The following MYO10 variants were observed in gnomAD, a reference collection of about 807,000 sequenced individuals.
MYO10 encodes unconventional myosin-X.
MYO10 carries 133 observed loss-of-function variants against 257.3 expected under a neutral mutation model. That is an observed-to-expected ratio of 0.52 (90% CI 0.45 to 0.60). MYO10 has a LOEUF of 0.60. Ranked by LOEUF, MYO10 falls within the 20% of genes least tolerant of loss-of-function variation. The pLI, the probability that MYO10 is intolerant of heterozygous loss-of-function variation, is 0.00. For synonymous variants in MYO10, 1,104 were observed against 1,028.6 expected (o/e 1.07, Z -1.40); for missense variants, 2,399 against 2,635.7 (o/e 0.91, Z 1.97).
At chr5:16,676,852 G>C (rs1246403644) in intron 33 of MYO10, among the ~76,000 whole-genome samples, 4 of 152,234 alleles carry the variant, frequency 2.6e-5, no homozygotes, top group South Asian at 2.1e-4. Flanking sequence ...AAAAATAAGA[G>C]AGCAAAATAA....
intron 19 of MYO10, among the ~76,000 whole-genome samples, chr5:16,745,554 T>C (rs144741479): frequency 0.015 from 2,249 of 151,874 alleles, 61 homozygotes; most frequent in African/African-American, 0.051. Context: ...GGCCCAGTGG[T>C]GGTGTATGCC....
intron 4 of MYO10, among the ~76,000 whole-genome samples, chr5:16,792,110 T>TAC (rs138106656): frequency 0.27 from 37,293 of 138,402 alleles, 5,689 homozygotes; most frequent in East Asian, 0.35. Flanking sequence ...CACACATACA[T>TAC]ACACACACAC....
chr5:16,671,403 TTC>T lies in MYO10; in HGVS notation c.5430+17_5430+18del. The T allele has an allele frequency of 6.2e-7, 1 of 1,613,072 alleles. No homozygotes were observed. Among genetic ancestry groups the T allele is most frequent in the African/African-American group, 1.3e-5 (1 of 75,022 alleles). On this transcript the variant is annotated intron_variant, in intron 38 of 40. Transcript: ENST00000513610. The stretch of plus-strand genomic sequence containing the variant: ...CTTGCTTGCCGGCAAAGAAATCTGT[TTC>T]TAACTATTCCTTTTACCTGTTCAAA...
rs113739123 is a variant in MYO10 at position 16,860,563 on chromosome 5, G to T, written c.120+17046C>A. Among the ~76,000 whole-genome samples, 154 of 152,268 alleles carry T rather than the reference G, an allele frequency of 1.0e-3. 1 individual carries two copies. The highest frequency in any genetic ancestry group is 1.9e-3 in the Non-Finnish European group (127 of 68,022). ...TTATGAAGCAGCTGGTCAGAGAAAC[G>T]CACTTGCAGAGACACTCCGTTAGTA... On this transcript the variant is annotated intron_variant, in intron 2 of 40. Transcript: ENST00000513610.
chr5:16,854,630 A>G (rs1743906819), intron 2 of MYO10, among the ~76,000 whole-genome samples: 1 of 152,240 alleles, frequency 6.6e-6, no homozygotes, highest in South Asian at 2.1e-4. Flanking sequence ...CATCTATTGT[A>G]GTGATAATTT....
At chr5:16,729,342 GAT>G in intron 19 of MYO10, among the ~76,000 whole-genome samples, 1 of 152,200 alleles carries the variant, frequency 6.6e-6, no homozygotes, top group Admixed American at 6.5e-5. Flanking sequence ...CAGAAAATCT[GAT>G]ATTACATCTA....
chr5:16,696,039 A>T (rs1410423437), intron 26 of MYO10, among the ~76,000 whole-genome samples: 1 of 152,232 alleles, frequency 6.6e-6, no homozygotes, highest in African/African-American at 2.4e-5. Flanking sequence ...CCTGGAGGAA[A>T]ACTGTGCAAA....
At chr5:16,683,975 TA>T (rs1737126664) in intron 29 of MYO10, 40 bp from the exon 30 acceptor site, 3 of 1,585,530 alleles carry the variant, frequency 1.9e-6, no homozygotes, top group Admixed American at 3.4e-5. Context: ...AGAGAAGCAC[TA>T]AAGTAGGGTG....
chr5:16,716,720 T>C (rs372435221), intron 19 of MYO10, among the ~76,000 whole-genome samples: 8 of 152,004 alleles, frequency 5.3e-5, no homozygotes, highest in African/African-American at 1.4e-4. Context: ...GAATCCAGCT[T>C]GTCACACAGG....
chr5:16,794,861 C>T lies in MYO10; in HGVS notation c.280-28G>A, dbSNP rs570198370. 3.9e-5 allele frequency: 56 copies of T among 1,426,534 alleles called. 1 individual carries two copies. The East Asian group carries it at 1.4e-3, about 35-fold the overall frequency. The allele number at this position is 1,426,534 out of a possible 1,614,324, so 88.4% of individuals were successfully genotyped here. ...GCAAGCACAGAGTGAGACAGGGATGCGTCACTTCTAACCCAGGCCACTGGA... is the reference window on the plus strand; with the variant it reads ...GCAAGCACAGAGTGAGACAGGGATGTGTCACTTCTAACCCAGGCCACTGGA... On this transcript the variant is annotated intron_variant, in intron 3 of 40. Transcript: ENST00000513610.
intron 2 of MYO10, among the ~76,000 whole-genome samples, chr5:16,828,546 G>T (rs62369350): frequency 0.44 from 65,761 of 150,148 alleles, 16,185 homozygotes; most frequent in South Asian, 0.62. Context: ...CTTAAACCGA[G>T]GAGGTGCAGG....
At chr5:16,865,580 G>C (rs1161332193) in intron 2 of MYO10, among the ~76,000 whole-genome samples, 1 of 152,182 alleles carries the variant, frequency 6.6e-6, no homozygotes, top group Non-Finnish European at 1.5e-5. Context: ...GGAGGCCGAG[G>C]TGGGTGGATC....
intron 32 of MYO10, among the ~76,000 whole-genome samples, chr5:16,680,880 A>G (rs1188029706): frequency 6.6e-6 from 1 of 152,134 alleles, no homozygotes; most frequent in Non-Finnish European, 1.5e-5. Flanking sequence ...CTGTAGTCCT[A>G]GCTACTCCTC....
chr5:16,843,036 T>G (rs1484587808), intron 2 of MYO10, among the ~76,000 whole-genome samples: 1 of 152,160 alleles, frequency 6.6e-6, no homozygotes, highest in Non-Finnish European at 1.5e-5. Context: ...CTCATTTCCT[T>G]GGAAACCCTG....
Position 16,701,388 on chromosome 5 carries a change from C to T in MYO10, c.3007G>A (p.Ala1003Thr), listed in dbSNP as rs72750543. The change falls in exon 25 of 41, where the codon GCC becomes ACC. Residue 1003 changes from alanine (A) to threonine (T), a missense_variant. Physicochemically the swap from Ala to Thr is moderately conservative, Grantham distance 58. This residue lies in a region of MYO10 where 1,820 missense variants were observed against 1,939.4 expected (regional missense o/e 0.94). Coordinates refer to ENST00000513610, the MANE Select transcript of MYO10 (RefSeq NM_012334.3). The surrounding 1 kb of genome is among the most constrained non-coding windows in gnomAD (Gnocchi z 8.1). The part of the protein sequence containing the change: ...VDEGFEADDD[A>T]FKDSPNPSEH... ...CTGGGGTTGGGGGAGTCCTTGAAGG[C>T]GTCGTCGTCGGCTTCGAAGCCCTCA... The T allele has an allele frequency of 2.2e-3, 3,583 of 1,613,970 alleles. 7 individuals are homozygous for T. Among genetic ancestry groups the T allele is most frequent in the Non-Finnish European group, 2.8e-3 (3,319 of 1,179,886 alleles).
At chr5:16,802,086 T>C (rs1484308847) in intron 3 of MYO10, among the ~76,000 whole-genome samples, 1 of 152,034 alleles carries the variant, frequency 6.6e-6, no homozygotes, top group Non-Finnish European at 1.5e-5. Context: ...CTCAAATTGA[T>C]AGAGAAAGTG....
At chr5:16,868,945 A>G (rs1395093063) in intron 2 of MYO10, among the ~76,000 whole-genome samples, 2 of 152,222 alleles carry the variant, frequency 1.3e-5, no homozygotes, top group African/African-American at 4.8e-5. Context: ...AACAACAAAA[A>G]AACAAAATTC....
chr5:16,759,072 C>T (rs1345133023), intron 17 of MYO10, among the ~76,000 whole-genome samples: 1 of 152,088 alleles, frequency 6.6e-6, no homozygotes, highest in Admixed American at 6.6e-5. Flanking sequence ...TAGGCGCCTG[C>T]CATCACGCCT....
At chr5:16,893,190 C>A (rs1321279598) in intron 1 of MYO10, among the ~76,000 whole-genome samples, 2 of 45,948 alleles carry the variant, frequency 4.4e-5, no homozygotes, top group African/African-American at 1.2e-4. Flanking sequence ...CAGTGAGACT[C>A]TGTCTCAAAA....
Sources: allele counts gnomAD v4.1 joint callset (sites outside exome capture counted in the v4.1 genomes callset), GRCh38; gene constraint gnomAD v4.1.1; regional missense constraint gnomAD v4.1.1; non-coding constraint Gnocchi (gnomAD v3.1); transcripts MANE v1.5; gene names NCBI Gene and HGNC (gene_info 2026-07-23, HGNC 2026-07-21).